Variants in SSUH2 observed in about 807,000 individuals in gnomAD.
SSUH2 encodes protein SSUH2 homolog.
In SSUH2, 47 loss-of-function variants were observed where a neutral mutation model predicts 55.3. The observed-to-expected ratio is 0.85, with a 90% confidence interval of 0.67 to 1.08. The LOEUF (loss-of-function observed/expected upper bound fraction) is 1.08. Among genes scored for constraint, SSUH2 ranks in the 50% least tolerant of loss-of-function variants. SSUH2 has a pLI of 0.00. For missense variants in SSUH2, 535 were observed against 490.7 expected, an observed-to-expected ratio of 1.09 and a Z score of -0.85; for synonymous variants, 212 against 191.5, an observed-to-expected ratio of 1.11 and a Z score of -0.89.
intron 7 of SSUH2, among the ~76,000 whole-genome samples, chr3:8,628,855 G>T (rs1173803584): frequency 6.6e-6 from 1 of 152,076 alleles, no homozygotes; most frequent in African/African-American, 2.4e-5. Flanking sequence ...TGTTGCTGTT[G>T]TTTGTTTTTT....
chr3:8,665,935 G>T (rs1489431666), intron 5 of SSUH2, among the ~76,000 whole-genome samples: 1 of 151,966 alleles, frequency 6.6e-6, no homozygotes, highest in Non-Finnish European at 1.5e-5. Context: ...AATGAGAAAT[G>T]ATGTTCACTA....
At chr3:8,679,494 C>A (rs1469216947) in intron 2 of SSUH2, among the ~76,000 whole-genome samples, 1 of 149,636 alleles carries the variant, frequency 6.7e-6, no homozygotes, top group African/African-American at 2.5e-5. Flanking sequence ...AGCCCCTATT[C>A]CCCCCCTGGC....
At chr3:8,652,490 C>G (rs756104071) in intron 7 of SSUH2, among the ~76,000 whole-genome samples, 12 of 152,150 alleles carry the variant, frequency 7.9e-5, no homozygotes, top group Admixed American at 4.6e-4. Context: ...TCAGAGTCCC[C>G]CTCCCAAGAA....
rs977363223 is a variant in SSUH2, at chr3:8,621,282, A to T, written c.982-1268T>A. On this transcript the variant is annotated intron_variant, in intron 11 of 11. Coordinates refer to ENST00000544814, the MANE Select transcript of SSUH2 (RefSeq NM_001256748.3). ...CCAGGGTCAGGCCCTCTTTACTTGC[A>T]GGGAATTCTTCCTGTTGGGAAAAGA... Among the ~76,000 whole-genome samples the T allele has an allele frequency of 6.9e-4, 105 of 152,190 alleles. 3 individuals carry two copies. The highest frequency in any genetic ancestry group is 2.5e-4 in the Non-Finnish European group (17 of 68,028).
At chr3:8,634,136 G>A in intron 3 of SSUH2, 1 of 684,420 alleles carries the variant, frequency 1.5e-6, no homozygotes, top group Non-Finnish European at 2.4e-6. Context: ...CAGAGAGGAT[G>A]TCGCACAGTT....
intron 6 of SSUH2, among the ~76,000 whole-genome samples, chr3:8,662,958 G>T (rs949597669): frequency 1.3e-5 from 2 of 152,196 alleles, no homozygotes; most frequent in East Asian, 3.8e-4. Flanking sequence ...AGGCCATATC[G>T]ATGCTACTAT....
chr3:8,666,007 A>G (rs1430784260), intron 5 of SSUH2, among the ~76,000 whole-genome samples: 2 of 152,170 alleles, frequency 1.3e-5, no homozygotes, highest in Non-Finnish European at 2.9e-5. Flanking sequence ...TTGAAAGCCC[A>G]CTTGATTAAG....
chr3:8,647,348 T>C (rs1314718459), upstream of SSUH2, among the ~76,000 whole-genome samples: 1 of 152,114 alleles, frequency 6.6e-6, no homozygotes, highest in African/African-American at 2.4e-5. Context: ...GTGAGAAGAG[T>C]TTCTTGCCTT....
rs6772334 is a variant in SSUH2, at chr3:8,640,072, G to A, written c.29-4215C>T. ...AGTAGAGTGATGGTTGACAGGGGCT[G>A]TGGGGAGAAGGGAATAAGGAATTAT... On this transcript the variant is annotated intron_variant, in intron 1 of 11. Transcript: ENST00000544814. 11,312 of 855,446 alleles carry A rather than the reference G, an allele frequency of 0.013. 975 individuals are homozygous for A. The African/African-American group carries it at 0.19, about 14-fold the overall frequency. The allele number at this position is 855,446 out of a possible 1,614,324, so 53.0% of individuals were successfully genotyped here. A position where few individuals can be genotyped will look rare whatever the true frequency, so the allele number is the denominator to read the frequency against.
At chr3:8,628,898 C>T (rs2125135828) in intron 7 of SSUH2, among the ~76,000 whole-genome samples, 1 of 152,358 alleles carries the variant, frequency 6.6e-6, no homozygotes, top group Non-Finnish European at 1.5e-5. Context: ...CTCTGTCGCC[C>T]AGGCGGGAGT....
At chr3:8,680,782 C>G (rs1705883580) in intron 1 of SSUH2, among the ~76,000 whole-genome samples, 1 of 152,042 alleles carries the variant, frequency 6.6e-6, no homozygotes, top group Non-Finnish European at 1.5e-5. Context: ...GTAATATCAA[C>G]CTCTCGGCCT....
chr3:8,679,557 A>C (rs1377339923), intron 2 of SSUH2: 1 of 151,624 alleles, frequency 6.6e-6, no homozygotes, highest in Non-Finnish European at 1.4e-5. Context: ...GCAGGAACTG[A>C]GAGCCAGCCT....
chr3:8,629,818 A>G, intron 6 of SSUH2, 92 bp from the exon 7 acceptor site: 1 of 1,235,148 alleles, frequency 8.1e-7, no homozygotes, highest in Admixed American at 1.7e-5. Flanking sequence ...GGTGGAGTGG[A>G]TCAGGACCAG....
At chr3:8,641,559 C>G (rs1208504542) in intron 1 of SSUH2, among the ~76,000 whole-genome samples, 1 of 152,134 alleles carries the variant, frequency 6.6e-6, no homozygotes, top group African/African-American at 2.4e-5. Context: ...TACTCACTCC[C>G]CAAAGTAGAT....
chr3:8,661,936 C>T (rs535502927), intron 6 of SSUH2, among the ~76,000 whole-genome samples: 11 of 152,204 alleles, frequency 7.2e-5, no homozygotes, highest in African/African-American at 2.6e-4. Context: ...TCATGAAATC[C>T]GACGTTTCCC....
chr3:8,656,458 T>C (rs1023312354), intron 7 of SSUH2, among the ~76,000 whole-genome samples: 29 of 152,204 alleles, frequency 1.9e-4, no homozygotes, highest in African/African-American at 6.3e-4. Flanking sequence ...GTTCCAATTC[T>C]TGGACTCTCA....
At chr3:8,671,812 C>T (rs1043109105) in intron 4 of SSUH2, 23 of 151,216 alleles carry the variant, frequency 1.5e-4, no homozygotes, top group African/African-American at 5.1e-4. Flanking sequence ...CCCCCTCTCC[C>T]CACCTGGATA....
At chr3:8,667,018 G>C (rs1370811132) in intron 5 of SSUH2, among the ~76,000 whole-genome samples, 1 of 152,164 alleles carries the variant, frequency 6.6e-6, no homozygotes, top group East Asian at 1.9e-4. Context: ...GTTCAGGCTG[G>C]GAGTCCACGC....
intron 3 of SSUH2, among the ~76,000 whole-genome samples, chr3:8,676,583 T>G (rs1705302999): frequency 6.6e-6 from 1 of 151,020 alleles, no homozygotes; most frequent in Admixed American, 6.6e-5. Flanking sequence ...CTCTGAATAT[T>G]AGGAAGAATA....
Sources: gnomAD v4.1 joint callset for allele counts (sites outside exome capture counted in the v4.1 genomes callset) on GRCh38, gnomAD v4.1.1 for gene constraint, MANE v1.5 for transcripts, NCBI Gene and HGNC (gene_info 2026-07-23, HGNC 2026-07-21) for gene names.